TMEM68: variants seen among roughly 807,000 people sequenced by gnomAD.
TMEM68 encodes the protein DGAT1/2-independent enzyme synthesizing storage lipids.
In TMEM68, 25 loss-of-function variants were observed where a neutral mutation model predicts 36.9. The observed-to-expected ratio is 0.68, with a 90% CI of 0.49 to 0.95. TMEM68 has a LOEUF of 0.95. Ranked by LOEUF, TMEM68 falls within the 40% of genes least tolerant of loss-of-function variation. The pLI, the probability that TMEM68 is intolerant of heterozygous loss-of-function variation, is 0.00. For missense variants in TMEM68, 333 were observed against 392.0 expected (o/e 0.85, Z 1.27); for synonymous variants, 131 against 124.4 (o/e 1.05, Z -0.35).
Position 55,751,066 on chromosome 8 carries a change from G to A in TMEM68, c.585C>T (p.Ile195=), listed in dbSNP as rs1173129577. 3 of 1,614,094 alleles carry A rather than the reference G, an allele frequency of 1.9e-6. No homozygotes were observed. Among genetic ancestry groups the A allele is most frequent in the Admixed American group, 3.3e-5 (2 of 60,000 alleles). The part of the protein sequence containing the change: ...EILRSGHLLA[I]SPGGVREALI... ...GGGCTTCTCGAACTCCACCTGGTGA[G>A]ATAGCTAACAAGTGGCCACTCCTCA... The change falls in exon 5 of 8, where the codon ATC becomes ATT. Residue 195 remains isoleucine (I), a synonymous_variant. Transcript: ENST00000434581.
At chr8:55,772,035 T>C (rs1811189231) in intron 1 of TMEM68, among the ~76,000 whole-genome samples, 1 of 152,224 alleles carries the variant, frequency 6.6e-6, no homozygotes, top group Admixed American at 6.5e-5. Flanking sequence ...ATTACTGTTC[T>C]ACCCTTATTA....
intron 4 of TMEM68, among the ~76,000 whole-genome samples, chr8:55,753,609 G>T (rs1490447600): frequency 1.3e-5 from 2 of 152,156 alleles, no homozygotes; most frequent in Non-Finnish European, 2.9e-5. Flanking sequence ...TTAATTCACT[G>T]TTTGGTTGTG....
chr8:55,760,742 G>T (rs915918408), intron 3 of TMEM68: 1 of 152,190 alleles, frequency 6.6e-6, no homozygotes, highest in Non-Finnish European at 1.5e-5. Flanking sequence ...TGTGATTCTA[G>T]TATGAAATAA....
intron 5 of TMEM68, among the ~76,000 whole-genome samples, chr8:55,748,269 G>C (rs1379360994): frequency 2.0e-5 from 3 of 152,124 alleles, no homozygotes; most frequent in Admixed American, 2.0e-4. Flanking sequence ...GGGTTTTTAA[G>C]CAACTCTCCT....
chr8:55,768,977 C>T (rs886249573), intron 1 of TMEM68, among the ~76,000 whole-genome samples: 7 of 143,190 alleles, frequency 4.9e-5, no homozygotes. Flanking sequence ...GATCAAGCCA[C>T]TGCACTCCAG....
At position 55,754,125 on chromosome 8, in the gene TMEM68, C is replaced by T. The variant is rs1168163172; in HGVS notation, c.493+2119G>A. ...ATAAATATGTATATACACACACACA[C>T]ACATACACACATATGGCCAGCTAGG... is the stretch of plus-strand genomic sequence containing the variant. On this transcript the variant is annotated intron_variant, in intron 4 of 7. Coordinates refer to ENST00000434581, the MANE Select transcript of TMEM68 (RefSeq NM_001286657.2). Among the ~76,000 whole-genome samples, 4 of 151,052 alleles carry T rather than the reference C, an allele frequency of 2.6e-5. No homozygotes were observed. The East Asian group carries it at 7.8e-4, about 30-fold the overall frequency.
At chr8:55,766,373 CTT>C (rs768070569) in intron 1 of TMEM68, among the ~76,000 whole-genome samples, 84 of 113,048 alleles carry the variant, frequency 7.4e-4, no homozygotes, top group African/African-American at 9.1e-4. Context: ...TCTATGCACG[CTT>C]TTTTTTTTTT....
chr8:55,750,771 C>T (rs994332217), intron 5 of TMEM68, 193 bp downstream of exon 5: 1 of 514,368 alleles, frequency 1.9e-6, no homozygotes, highest in African/African-American at 2.0e-5. Context: ...AACTCCTGAC[C>T]TCATGATACA....
intron 7 of TMEM68, among the ~76,000 whole-genome samples, chr8:55,740,947 C>A (rs1399375523): frequency 6.6e-6 from 1 of 152,134 alleles, no homozygotes; most frequent in Non-Finnish European, 1.5e-5. Flanking sequence ...AAAATACGCC[C>A]CTTTGGCTGG....
rs12056648 is a variant in TMEM68, at chr8:55,739,678, G to A, written c.*454C>T. 0.12 allele frequency: 17,671 copies of A among 152,548 alleles called. 1,210 individuals are homozygous for A. Among genetic ancestry groups the A allele is most frequent in the Middle Eastern group, 0.16 (48 of 294 alleles). The allele number at this position is 152,548 out of a possible 1,614,324, so 9.4% of individuals were successfully genotyped here. On this transcript the variant is annotated 3_prime_UTR_variant, in exon 8 of 8. Transcript: ENST00000434581. ...AATTGTTGAGGCACAAAAACATTACGTGACTTGCCCAAGGTCATGAAGGGA... is the reference window on the plus strand; with the variant it reads ...AATTGTTGAGGCACAAAAACATTACATGACTTGCCCAAGGTCATGAAGGGA...
chr8:55,773,121 T>G (rs1354216901), intron 1 of TMEM68, 148 bp downstream of exon 1: 1 of 152,364 alleles, frequency 6.6e-6, no homozygotes, highest in African/African-American at 2.4e-5. Flanking sequence ...GCGAAGAGAC[T>G]GGGGATTCCG....
Position 55,739,522 on chromosome 8 carries a change from C to T in TMEM68, c.*610G>A, listed in dbSNP as rs1320059469. 7.9e-5 allele frequency: 12 copies of T among 152,456 alleles called. No homozygotes were observed. Among genetic ancestry groups the T allele is most frequent in the Admixed American group, 7.9e-4 (12 of 15,258 alleles). 9.4% of individuals were successfully genotyped at this position (152,456 alleles called of 1,614,324 possible). On this transcript the variant is annotated 3_prime_UTR_variant, in exon 8 of 8. Coordinates refer to ENST00000434581, the MANE Select transcript of TMEM68 (RefSeq NM_001286657.2). ...AAACACACAATGGAGAAAATATATA[C>T]ATAACTGCTAAAGGATTTTGACATT...
At chr8:55,751,689 T>A (rs1314742659) in intron 4 of TMEM68, 1 of 235,004 alleles carries the variant, frequency 4.3e-6, no homozygotes, top group East Asian at 1.5e-4. Context: ...ATAGCAAACA[T>A]CATTAAGAGA....
chr8:55,770,692 C>A (rs1811127579), intron 1 of TMEM68, among the ~76,000 whole-genome samples: 1 of 151,988 alleles, frequency 6.6e-6, no homozygotes, highest in South Asian at 2.1e-4. Flanking sequence ...CAGGGGGGAA[C>A]TCTATGTACT....
At chr8:55,752,038 G>C (rs892468144) in intron 4 of TMEM68, among the ~76,000 whole-genome samples, 2 of 151,528 alleles carry the variant, frequency 1.3e-5, no homozygotes, top group African/African-American at 4.9e-5. Flanking sequence ...GTGAAACCCT[G>C]CCTCTACTAA....
rs779319388 is a variant in TMEM68 at position 55,751,077 on chromosome 8, A to C, written c.574T>G (p.Leu192Val). ...KCVEILRSGH[L>V]LAISPGGVRE... ...ACTCCACCTGGTGAGATAGCTAACA[A>C]GTGGCCACTCCTCAGAATTTCAACA... The change falls in exon 5 of 8, where the codon TTG (leucine) becomes GTG (valine). Residue 192 changes from leucine (L) to valine (V), a missense_variant. Physicochemically the swap from Leu to Val is conservative, Grantham distance 32 (BLOSUM62 1). Transcript: ENST00000434581. 7 of 1,614,132 alleles carry C rather than the reference A, an allele frequency of 4.3e-6. No individual in the cohort carries two copies. The South Asian group carries it at 7.7e-5, about 18-fold the overall frequency.
chr8:55,755,322 A>C (rs1486234509), intron 4 of TMEM68, among the ~76,000 whole-genome samples: 1 of 150,444 alleles, frequency 6.6e-6, no homozygotes, highest in Non-Finnish European at 1.5e-5. Context: ...GCTGGAGTAT[A>C]GTGGCATGAT....
At chr8:55,754,771 ATATT>A (rs1207398796) in intron 4 of TMEM68, among the ~76,000 whole-genome samples, 17 of 82,792 alleles carry the variant, frequency 2.1e-4, no homozygotes, top group Non-Finnish European at 3.6e-4. Flanking sequence ...CATACATTAT[ATATT>A]TATATTATAT....
At chr8:55,767,283 C>A (rs117567895) in intron 1 of TMEM68, among the ~76,000 whole-genome samples, 5,752 of 152,188 alleles carry the variant, frequency 0.038, 180 homozygotes, top group Middle Eastern at 0.071. Flanking sequence ...TAAGCATTAA[C>A]TATTGCTTAT....
Sources: gnomAD v4.1 joint callset for allele counts (sites outside exome capture counted in the v4.1 genomes callset) on GRCh38, gnomAD v4.1.1 for gene constraint, MANE v1.5 for transcripts, NCBI Gene and HGNC (gene_info 2026-07-23, HGNC 2026-07-21) for gene names.